The following LRBA variants were observed in gnomAD, a reference collection of about 807,000 sequenced individuals.
LRBA encodes lipopolysaccharide-responsive and beige-like anchor protein.
A neutral mutation model predicts 330.0 loss-of-function variants in LRBA; 176 were observed. That is an observed-to-expected ratio of 0.53 (90% CI 0.47 to 0.60). The LOEUF (loss-of-function observed/expected upper bound fraction) is 0.60. Among genes scored for constraint, LRBA ranks in the 20% least tolerant of loss-of-function variants. The pLI is 0.00. For missense variants in LRBA, 3,259 were observed against 3,444.8 expected (o/e 0.95, Z 1.35); for synonymous variants, 1,230 against 1,193.0 (o/e 1.03, Z -0.64).
chr4:150,697,812 G>A (rs1323151364), intron 36 of LRBA, among the ~76,000 whole-genome samples: 1 of 151,830 alleles, frequency 6.6e-6, no homozygotes, highest in East Asian at 1.9e-4. Context: ...TGTAGGGAAG[G>A]GCCAGTTTTG....
At chr4:150,533,273 T>C (rs1308071129) in intron 40 of LRBA, among the ~76,000 whole-genome samples, 1 of 152,118 alleles carries the variant, frequency 6.6e-6, no homozygotes, top group Non-Finnish European at 1.5e-5. Flanking sequence ...CTCAACTTCC[T>C]GGGCTCAAGC....
Position 150,583,770 on chromosome 4 carries a change from A to G in LRBA, c.6330+4278T>C. On this transcript the variant is annotated intron_variant, in intron 40 of 56. Coordinates refer to ENST00000651943, the MANE Select transcript of LRBA (RefSeq NM_001364905.1). This position sits in a 1 kb window ranked among gnomAD's most constrained non-coding sequence, Gnocchi z 9.8. The stretch of plus-strand genomic sequence containing the variant: ...ACCGCCTGCTGATGGGCGGCTGCCG[A>G]AACAAGTGCCTCTCAGTGCTGAAGA... 6.2e-7 allele frequency: 1 copy of G among 1,614,080 alleles called. No individual in the cohort carries two copies. The highest frequency in any genetic ancestry group is 8.5e-7 in the Non-Finnish European group (1 of 1,180,020).
At chr4:150,997,031 A>G (rs551406351) in intron 2 of LRBA, among the ~76,000 whole-genome samples, 2 of 152,298 alleles carry the variant, frequency 1.3e-5, no homozygotes, top group African/African-American at 4.8e-5. Flanking sequence ...CAAAGCATTA[A>G]TTTCTTTTTT....
At chr4:150,728,323 G>A (rs1217966282) in intron 36 of LRBA, among the ~76,000 whole-genome samples, 2 of 151,972 alleles carry the variant, frequency 1.3e-5, no homozygotes, top group African/African-American at 2.4e-5. Flanking sequence ...AAAAATAGAG[G>A]AGGGAAGAAT....
chr4:150,749,757 C>T (rs747650450), intron 35 of LRBA, among the ~76,000 whole-genome samples: 3 of 151,442 alleles, frequency 2.0e-5, no homozygotes, highest in Non-Finnish European at 2.9e-5. Context: ...GTCTCAAAAA[C>T]AAAACAAACA....
chr4:150,473,515 T>G (rs1339521728), intron 42 of LRBA, among the ~76,000 whole-genome samples: 2 of 152,130 alleles, frequency 1.3e-5, no homozygotes, highest in Non-Finnish European at 2.9e-5. Flanking sequence ...CATCATCCAG[T>G]CAATTGAGGA....
chr4:150,357,475 G>C (rs1159881702), intron 47 of LRBA, among the ~76,000 whole-genome samples: 1 of 151,916 alleles, frequency 6.6e-6, no homozygotes. Context: ...TTTAAAAAAT[G>C]TTTAAAATAC....
intron 34 of LRBA, among the ~76,000 whole-genome samples, chr4:150,782,839 C>A (rs1738469511): frequency 6.6e-6 from 1 of 151,998 alleles, no homozygotes; most frequent in African/African-American, 2.4e-5. Flanking sequence ...GAAAAGTGAA[C>A]CTTACCAGCA....
chr4:150,797,545 GT>G (rs901860417), intron 34 of LRBA, among the ~76,000 whole-genome samples: 1 of 151,784 alleles, frequency 6.6e-6, no homozygotes, highest in African/African-American at 2.4e-5. Context: ...GAGGTACAAG[GT>G]TTTGGAACAC....
At chr4:150,979,960 C>A (rs944580994) in intron 2 of LRBA, among the ~76,000 whole-genome samples, 3 of 152,154 alleles carry the variant, frequency 2.0e-5, no homozygotes, top group African/African-American at 7.2e-5. Context: ...TACTTCCAAA[C>A]TCATTCAACA....
intron 40 of LRBA, among the ~76,000 whole-genome samples, chr4:150,525,722 C>G (rs1357525022): frequency 1.3e-5 from 2 of 152,102 alleles, no homozygotes; most frequent in East Asian, 1.9e-4. Context: ...ATACTTATAT[C>G]TGATTTCTCT....
intron 47 of LRBA, among the ~76,000 whole-genome samples, chr4:150,379,781 C>T (rs1358387640): frequency 6.6e-6 from 1 of 152,154 alleles, no homozygotes; most frequent in Admixed American, 6.5e-5. Context: ...ACACTATCCA[C>T]ATATCATGAA....
At chr4:150,390,031 G>C (rs1429398417) in intron 47 of LRBA, among the ~76,000 whole-genome samples, 1 of 149,872 alleles carries the variant, frequency 6.7e-6, no homozygotes, top group Non-Finnish European at 1.5e-5. Flanking sequence ...AACACACCAA[G>C]TTCTGTTCCA....
intron 48 of LRBA, among the ~76,000 whole-genome samples, chr4:150,333,099 G>C (rs1734202970): frequency 6.6e-6 from 1 of 152,054 alleles, no homozygotes; most frequent in African/African-American, 2.4e-5. Flanking sequence ...AAGTAAACTT[G>C]GCTTAGTGAC....
chr4:150,601,615 A>G (rs1171150444), intron 37 of LRBA, among the ~76,000 whole-genome samples: 1 of 152,214 alleles, frequency 6.6e-6, no homozygotes, highest in Non-Finnish European at 1.5e-5. Flanking sequence ...TTCACATAAT[A>G]GAAATGAAAG....
At position 150,307,147 on chromosome 4, in the gene LRBA, A is replaced by AC. The variant is rs1730457313; in HGVS notation, c.7849+3081dup. 6.6e-5 allele frequency among the ~76,000 whole-genome samples: 10 copies of AC among 152,236 alleles called. 1 individual carries two copies. In the South Asian group the frequency reaches 2.1e-3, roughly 32 times the overall value. Reference sequence around the variant, plus strand: ...AAACAATAATATAGAATGTCAACAAACTAAAAACACTCAAATGTCAAAACC... The same window carrying AC: ...AAACAATAATATAGAATGTCAACAAACCTAAAAACACTCAAATGTCAAAACC... On this transcript the variant is annotated intron_variant, in intron 52 of 56. Transcript: ENST00000651943.
At position 150,280,387 on chromosome 4, in the gene LRBA, C is replaced by T. The variant is rs78084419; in HGVS notation, c.8316+2063G>A. On this transcript the variant is annotated intron_variant, in intron 55 of 56. Coordinates refer to ENST00000651943, the MANE Select transcript of LRBA (RefSeq NM_001364905.1). ...CACAGCAATCTGCTGGGGATGACCA[C>T]ATTCTAAAACAGCCTCAGGAAGGGA... Among the ~76,000 whole-genome samples the T allele has an allele frequency of 2.8e-3, 430 of 152,336 alleles. 2 individuals are homozygous for T. The highest frequency in any genetic ancestry group is 9.8e-3 in the African/African-American group (406 of 41,578).
chr4:150,507,743 T>G (rs1231847716), intron 40 of LRBA, among the ~76,000 whole-genome samples: 1 of 152,136 alleles, frequency 6.6e-6, no homozygotes, highest in African/African-American at 2.4e-5. Context: ...CTAATTAAAC[T>G]GAAGAGCTTC....
intron 51 of LRBA, 153 bp from the exon 52 acceptor site, chr4:150,310,537 A>T (rs1387130321): frequency 1.9e-6 from 1 of 517,016 alleles, no homozygotes; most frequent in Non-Finnish European, 3.3e-6. Context: ...AACATATCCA[A>T]TTGCTGGAAA....
Sources: gnomAD v4.1 joint callset for allele counts (sites outside exome capture counted in the v4.1 genomes callset) on GRCh38, gnomAD v4.1.1 for gene constraint, Gnocchi (gnomAD v3.1) non-coding constraint, MANE v1.5 for transcripts, NCBI Gene and HGNC (gene_info 2026-07-23, HGNC 2026-07-21) for gene names.